The following PIWIL1 variants were observed in gnomAD, a reference collection of about 807,000 sequenced individuals.
PIWIL1 encodes the protein piwi-like protein 1.
Under a neutral mutation model 114.4 loss-of-function variants are expected in PIWIL1, and 73 were observed. The ratio of observed to expected loss-of-function variants is 0.64; its 90% CI spans 0.53 to 0.78. The LOEUF is 0.78. PIWIL1 is among the 30% of genes least tolerant of loss of function. The pLI is 0.00. For missense variants in PIWIL1, 723 were observed against 1,063.1 expected, an observed-to-expected ratio of 0.68 and a Z score of 4.45; for synonymous variants, 375 against 369.0, an observed-to-expected ratio of 1.02 and a Z score of -0.19.
In PIWIL1 at chr12:130,361,506, C is replaced by G; in HGVS notation, c.1875C>G (p.Leu625=). Residue 625 remains leucine (L), a synonymous_variant, in exon 16 of 21, where the codon CTC becomes CTG. Coordinates refer to ENST00000245255, the MANE Select transcript of PIWIL1 (RefSeq NM_004764.5). ...ELWRVDIPLK[L]VMIVGIDCYH... ...CCATATTTGTATTGAAGCTGAAGCT[C>G]GTGATGATCGTTGGCATCGATTGTT... 1 of 1,614,110 alleles carries G rather than the reference C, an allele frequency of 6.2e-7. No individual in the cohort carries two copies. The highest frequency in any genetic ancestry group is 8.5e-7 in the Non-Finnish European group (1 of 1,179,972).
the PIWIL1 span, among the ~76,000 whole-genome samples, chr12:130,387,961 A>G: frequency 1.3e-5 from 2 of 152,196 alleles, no homozygotes; most frequent in Non-Finnish European, 2.9e-5. Context: ...AAATATGTTC[A>G]TCTGTATTTT....
the PIWIL1 span, among the ~76,000 whole-genome samples, chr12:130,416,999 A>G: frequency 6.6e-6 from 1 of 152,186 alleles, no homozygotes; most frequent in African/African-American, 2.4e-5. Flanking sequence ...AATGCTCCAC[A>G]TCACTAATCA....
chr12:130,415,910 A>G, the PIWIL1 span, among the ~76,000 whole-genome samples: 1 of 152,134 alleles, frequency 6.6e-6, no homozygotes, highest in African/African-American at 2.4e-5. Flanking sequence ...ACACCAATAA[A>G]TTGTTCAAGC....
the PIWIL1 span, among the ~76,000 whole-genome samples, chr12:130,423,234 A>G: frequency 1.3e-5 from 2 of 152,200 alleles, no homozygotes; most frequent in African/African-American, 4.8e-5. Flanking sequence ...GGAAGTTCTC[A>G]GGAACACAGG....
Position 130,367,195 on chromosome 12 carries a change from G to A in PIWIL1, c.2258G>A (p.Gly753Glu). 1 of 1,614,038 alleles carries A rather than the reference G, an allele frequency of 6.2e-7. No homozygotes were observed. Among genetic ancestry groups the A allele is most frequent in the Non-Finnish European group, 8.5e-7 (1 of 1,179,910 alleles). ...RVNTRFFAQS[G>E]GRLQNPLPGT... ...AACACCAGATTTTTTGCTCAGTCTG[G>A]AGGAAGACTTCAGAATCCACTTCCT... Residue 753 changes from glycine (G) to glutamate (E), a missense_variant, in exon 19 of 21, where the codon GGA (glycine) becomes GAA (glutamate). Transcript: ENST00000245255.
intron 19 of PIWIL1, among the ~76,000 whole-genome samples, chr12:130,369,141 T>C (rs2073750263): frequency 6.6e-6 from 1 of 152,206 alleles, no homozygotes; most frequent in African/African-American, 2.4e-5. Flanking sequence ...AGTGAGAACA[T>C]GCGGTGTTAA....
the PIWIL1 span, among the ~76,000 whole-genome samples, chr12:130,377,912 A>G: frequency 9.2e-5 from 14 of 152,318 alleles, no homozygotes; most frequent in East Asian, 1.7e-3. Flanking sequence ...GAGCGGGAGT[A>G]GTACATGTAC....
chr12:130,367,701 C>T (rs769604062), intron 19 of PIWIL1, among the ~76,000 whole-genome samples: 8 of 152,160 alleles, frequency 5.3e-5, no homozygotes, highest in Non-Finnish European at 8.8e-5. Flanking sequence ...ACTCACCGAC[C>T]GCAAGAAAAG....
chr12:130,366,326 C>T (rs1163024074), intron 18 of PIWIL1: 1 of 152,548 alleles, frequency 6.6e-6, no homozygotes, highest in Non-Finnish European at 1.5e-5. Flanking sequence ...GTGAAAGGTA[C>T]TCAAGCAGAC....
At chr12:130,391,545 G>A in the PIWIL1 span, among the ~76,000 whole-genome samples, 2 of 152,152 alleles carry the variant, frequency 1.3e-5, no homozygotes. Flanking sequence ...CTAGAAAAAA[G>A]CTTTATTATT....
the PIWIL1 span, among the ~76,000 whole-genome samples, chr12:130,380,100 A>G: frequency 9.1e-4 from 83 of 91,256 alleles, 1 homozygote; most frequent in African/African-American, 5.3e-3. Flanking sequence ...CCTCATCCCA[A>G]TTCCCATCCA....
At chr12:130,398,889 G>C in the PIWIL1 span, 2 of 275,576 alleles carry the variant, frequency 7.3e-6, no homozygotes, top group African/African-American at 4.4e-5. Flanking sequence ...AATGCAAATA[G>C]TAGGAAATGA....
rs775303864 is a variant in PIWIL1, at chr12:130,346,995, A to G, written c.586A>G (p.Thr196Ala). 6.2e-7 allele frequency: 1 copy of G among 1,613,910 alleles called. No individual in the cohort carries two copies. Among genetic ancestry groups the G allele is most frequent in the Non-Finnish European group, 8.5e-7 (1 of 1,179,828 alleles). The change falls in exon 6 of 21, where the codon ACT (threonine) becomes GCT (alanine). Residue 196 changes from threonine to alanine, a missense_variant. Physicochemically the swap from Thr to Ala is moderately conservative, Grantham distance 58. This residue lies in a region of PIWIL1 where 190 missense variants were observed against 294.4 expected (regional missense o/e 0.65). Transcript: ENST00000245255. ...TGGAGAGGATGTGAGGATAACGATC[A>G]CTTTAACAAATGAACTTCCACCTAC... ...RNGEDVRITI[T>A]LTNELPPTSP...
At chr12:130,360,957 T>G (rs1469878989) in intron 14 of PIWIL1, among the ~76,000 whole-genome samples, 1 of 152,242 alleles carries the variant, frequency 6.6e-6, no homozygotes, top group African/African-American at 2.4e-5. Flanking sequence ...ATAGTTTGCT[T>G]AACATGATTT....
the PIWIL1 span, among the ~76,000 whole-genome samples, chr12:130,393,358 C>A: frequency 2.1e-3 from 292 of 141,080 alleles, no homozygotes; most frequent in Middle Eastern, 4.3e-3. Flanking sequence ...CCGTCAGTTA[C>A]CTGGTGCATA....
At chr12:130,398,221 C>CTAAT in the PIWIL1 span, 1 of 152,208 alleles carries the variant, frequency 6.6e-6, no homozygotes, top group Non-Finnish European at 1.5e-5. Context: ...GACTTTTACT[C>CTAAT]TAATACGCTG....
chr12:130,344,882 G>A (rs1225485050), intron 3 of PIWIL1, among the ~76,000 whole-genome samples: 1 of 152,166 alleles, frequency 6.6e-6, no homozygotes. Flanking sequence ...ACCATGGGGA[G>A]GGTGGAAATT....
At chr12:130,393,121 A>C in the PIWIL1 span, among the ~76,000 whole-genome samples, 8 of 144,172 alleles carry the variant, frequency 5.5e-5, no homozygotes, top group East Asian at 4.1e-4. Flanking sequence ...TTACCTGGTG[A>C]ATATTGAATG....
the PIWIL1 span, among the ~76,000 whole-genome samples, chr12:130,409,344 T>TC: frequency 7.5e-6 from 1 of 133,980 alleles, no homozygotes; most frequent in East Asian, 2.2e-4. Flanking sequence ...TTTTTTTTTT[T>TC]TTTTTTTTTT....
Sources: gnomAD v4.1 joint callset for allele counts (sites outside exome capture counted in the v4.1 genomes callset) on GRCh38, gnomAD v4.1.1 for gene constraint, gnomAD v4.1.1 regional missense constraint, MANE v1.5 for transcripts, NCBI Gene and HGNC (gene_info 2026-07-23, HGNC 2026-07-21) for gene names.